The following PATJ variants were observed in gnomAD, a reference collection of about 807,000 sequenced individuals.
PATJ encodes the protein inaD-like protein.
Under a neutral mutation model 224.9 loss-of-function variants are expected in PATJ, and 190 were observed. The ratio of observed to expected loss-of-function variants is 0.84; its 90% confidence interval spans 0.75 to 0.95. The LOEUF is 0.95. Among genes scored for constraint, PATJ ranks in the 40% least tolerant of loss-of-function variants. The pLI, the probability that PATJ is intolerant of heterozygous loss-of-function variation, is 0.00. For missense variants in PATJ, 2,121 were observed against 2,270.3 expected (o/e 0.93, Z 1.34); for synonymous variants, 769 against 820.3 (o/e 0.94, Z 1.07).
Position 61,828,175 on chromosome 1 carries a change from G to A in PATJ, c.1980+592G>A, listed in dbSNP as rs191937136. ...GGAAAATCACTTGAAGCCGGGAGGC[G>A]GAGGTTACGGTGAGCTGAGATCACG... On this transcript the variant is annotated intron_variant, in intron 16 of 43. Coordinates refer to ENST00000642238, the MANE Select transcript of PATJ (RefSeq NM_001350145.3). Among the ~76,000 whole-genome samples the A allele has an allele frequency of 1.4e-3, 212 of 151,668 alleles. 1 individual carries two copies. The highest frequency in any genetic ancestry group is 2.6e-3 in the Non-Finnish European group (179 of 67,910).
chr1:62,144,296 T>G (rs1260953249), intron 41 of PATJ, among the ~76,000 whole-genome samples: 1 of 152,156 alleles, frequency 6.6e-6, no homozygotes, highest in Admixed American at 6.6e-5. Flanking sequence ...TTCTGTAACT[T>G]GGACATAGCA....
At position 61,864,454 on chromosome 1, in the gene PATJ, A is replaced by G. The variant is rs772884232; in HGVS notation, c.2656A>G (p.Met886Val). ...GTTATATCAAGATCCCTCACCATCC[A>G]TGGAGTTGTATCCCTTGTCGCACAT... ...YELYQDPSPS[M>V]ELYPLSHIQE... The change falls in exon 20 of 44, where the codon ATG (methionine) becomes GTG (valine). Residue 886 changes from methionine to valine, a missense_variant. Coordinates refer to ENST00000642238, the MANE Select transcript of PATJ (RefSeq NM_001350145.3). 1.9e-6 allele frequency: 3 copies of G among 1,613,974 alleles called. No individual in the cohort carries two copies. The highest frequency in any genetic ancestry group is 2.2e-5 in the East Asian group (1 of 44,890).
intron 28 of PATJ, among the ~76,000 whole-genome samples, chr1:62,015,783 C>T (rs1646739768): frequency 6.6e-6 from 1 of 152,150 alleles, no homozygotes; most frequent in Non-Finnish European, 1.5e-5. Flanking sequence ...GTGGCGCCAT[C>T]TCAGCTCCCA....
chr1:62,095,757 T>G (rs1661322448), intron 33 of PATJ, among the ~76,000 whole-genome samples: 1 of 152,216 alleles, frequency 6.6e-6, no homozygotes, highest in Non-Finnish European at 1.5e-5. Context: ...GGAGTTGTAT[T>G]CTATAAAGTC....
At chr1:62,012,529 A>G (rs532024509) in intron 28 of PATJ, among the ~76,000 whole-genome samples, 8 of 152,330 alleles carry the variant, frequency 5.3e-5, no homozygotes, top group East Asian at 3.9e-4. Context: ...TTTAAAGAAT[A>G]ATGCCCTCAG....
At chr1:61,813,334 C>CATATATATAT (rs747640923) in intron 14 of PATJ, among the ~76,000 whole-genome samples, 30 of 63,004 alleles carry the variant, frequency 4.8e-4, no homozygotes, top group East Asian at 1.6e-3. Flanking sequence ...ATGGAATGTA[C>CATATATATAT]ATATATATAT....
intron 28 of PATJ, among the ~76,000 whole-genome samples, chr1:62,012,797 T>C (rs200667077): frequency 3.3e-5 from 5 of 152,166 alleles, no homozygotes; most frequent in African/African-American, 7.2e-5. Flanking sequence ...ATTTTTTTTT[T>C]CCCTAGCCCT....
intron 30 of PATJ, among the ~76,000 whole-genome samples, chr1:62,040,203 G>A (rs990070297): frequency 2.0e-5 from 3 of 151,620 alleles, no homozygotes; most frequent in Admixed American, 6.6e-5. Flanking sequence ...CAGCCTCTCG[G>A]GTTCAAGCGA....
At chr1:62,085,278 G>A (rs1250871362) in intron 33 of PATJ, among the ~76,000 whole-genome samples, 3 of 152,040 alleles carry the variant, frequency 2.0e-5, no homozygotes, top group Admixed American at 6.6e-5. Flanking sequence ...CTTGAGCCCA[G>A]GAGGTCGAGG....
chr1:61,859,744 C>G (rs892933732), intron 18 of PATJ, among the ~76,000 whole-genome samples: 1 of 152,086 alleles, frequency 6.6e-6, no homozygotes, highest in African/African-American at 2.4e-5. Context: ...CTCAGCCTCC[C>G]GAGTAGCTGA....
intron 1 of PATJ, among the ~76,000 whole-genome samples, chr1:61,756,563 CTTTTTTTTT>C (rs370667808): frequency 4.6e-5 from 3 of 65,624 alleles, no homozygotes; most frequent in Admixed American, 2.1e-4. Flanking sequence ...AACCAGGACA[CTTTTTTTTT>C]TTTTTTTTTT....
At chr1:61,838,478 C>T (rs1387579975) in intron 17 of PATJ, among the ~76,000 whole-genome samples, 1 of 151,390 alleles carries the variant, frequency 6.6e-6, no homozygotes, top group Non-Finnish European at 1.5e-5. Flanking sequence ...CCTCAGCCTC[C>T]TGAGTAGCTG....
intron 28 of PATJ, 109 bp downstream of exon 28, chr1:61,990,473 T>G (rs1404829435): frequency 1.5e-6 from 1 of 656,880 alleles, no homozygotes; most frequent in African/African-American, 1.9e-5. Context: ...TTATATTTCC[T>G]TCAACTACTT....
intron 11 of PATJ, among the ~76,000 whole-genome samples, chr1:61,798,751 C>T (rs1651856556): frequency 6.7e-6 from 1 of 149,640 alleles, no homozygotes; most frequent in Admixed American, 6.6e-5. Flanking sequence ...ATTAGCCGGG[C>T]CTGGTGGCAC....
At chr1:61,878,135 A>T (rs765421029) in intron 21 of PATJ, among the ~76,000 whole-genome samples, 3 of 152,226 alleles carry the variant, frequency 2.0e-5, no homozygotes, top group Non-Finnish European at 4.4e-5. Flanking sequence ...TGCTTTTTCC[A>T]GTGTAGCTGG....
rs1228719276 is a variant in PATJ at position 61,819,764 on chromosome 1, G to A, written c.1684-3181G>A. On this transcript the variant is annotated intron_variant, in intron 14 of 43. Transcript: ENST00000642238. Reference sequence around the variant, plus strand: ...AGGCAATGCACAGTAGCGCTTCAATGCTGCAGGCTTCTCTGTAGGAGTAAG... The same window carrying A: ...AGGCAATGCACAGTAGCGCTTCAATACTGCAGGCTTCTCTGTAGGAGTAAG... Among the ~76,000 whole-genome samples, 4 of 152,264 alleles carry A rather than the reference G, an allele frequency of 2.6e-5. No individual in the cohort carries two copies. In the East Asian group the frequency reaches 7.7e-4, roughly 29 times the overall value.
At chr1:62,120,947 C>G in intron 37 of PATJ, 1 of 430,780 alleles carries the variant, frequency 2.3e-6, no homozygotes, top group African/African-American at 2.0e-5. Context: ...GTGATTGAAA[C>G]CATATACAAA....
chr1:62,079,539 T>C lies in PATJ; in HGVS notation c.4215T>C (p.His1405=). The change falls in exon 32 of 44, where the codon CAT becomes CAC. Residue 1405 remains histidine, a synonymous_variant. Transcript: ENST00000642238. The part of the protein sequence containing the change: ...EIPLAPASSY[H]STDADFTGYG... ...CATTAGCACCAGCTTCATCATACCA[T>C]TCAACAGATGCAGACTTCACAGGCT... is the stretch of plus-strand genomic sequence containing the variant. 1 of 1,608,858 alleles carries C rather than the reference T, an allele frequency of 6.2e-7. No individual in the cohort carries two copies. Among genetic ancestry groups the C allele is most frequent in the Non-Finnish European group, 8.5e-7 (1 of 1,175,264 alleles).
At chr1:61,801,349 C>T (rs1244901409) in intron 11 of PATJ, among the ~76,000 whole-genome samples, 1 of 152,188 alleles carries the variant, frequency 6.6e-6, no homozygotes, top group Admixed American at 6.5e-5. Context: ...GGCATTTTTT[C>T]ATGTGTCTTC....
Sources: allele counts gnomAD v4.1 joint callset (sites outside exome capture counted in the v4.1 genomes callset), GRCh38; gene constraint gnomAD v4.1.1; transcripts MANE v1.5; gene names NCBI Gene and HGNC (gene_info 2026-07-23, HGNC 2026-07-21).